The following CDKL5 variants were observed in gnomAD, a reference collection of about 807,000 sequenced individuals.
CDKL5 encodes the protein cyclin dependent kinase like 5, also known as cyclin-dependent kinase-like 5.
Under a neutral mutation model 61.7 loss-of-function variants are expected in CDKL5, and 8 were observed. The observed-to-expected ratio is 0.13, with a 90% CI of 0.08 to 0.23. The LOEUF (loss-of-function observed/expected upper bound fraction) is 0.23, where lower values mean the gene tolerates loss of function less well. CDKL5 is among the 10% of genes least tolerant of loss of function. The probability of loss-of-function intolerance (pLI) is 1.00; values close to 1 mark genes in which losing one functional copy is unlikely to be tolerated. For synonymous variants in CDKL5, 275 were observed against 272.3 expected (o/e 1.01, Z -0.10); for missense variants, 440 against 734.5 (o/e 0.60, Z 4.63).
intron 1 of CDKL5, among the ~76,000 whole-genome samples, chrX:18,478,510 C>G (rs1280384873): frequency 9.3e-6 from 1 of 107,925 alleles, no homozygotes; most frequent in African/African-American, 3.4e-5. Context: ...AGGCTGGTCT[C>G]AAACTCCTGA....
At position 18,633,633 on chromosome X, in the gene CDKL5, C is replaced by T; in HGVS notation, c.*4876C>T. The stretch of plus-strand genomic sequence containing the variant: ...GAAAAAGAAGTCCCTCATCTATCTG[C>T]ATACACGCAATGTGGGAGAAGTGGG... On this transcript the variant is annotated 3_prime_UTR_variant, in exon 18 of 18. Coordinates refer to ENST00000623535, the MANE Select transcript of CDKL5 (RefSeq NM_001323289.2). 1 of 754,090 alleles carries T rather than the reference C, an allele frequency of 1.3e-6. No homozygotes were observed. The highest frequency in any genetic ancestry group is 1.6e-6 in the Non-Finnish European group (1 of 639,080). The allele number at this position is 754,090 out of a possible 1,213,427, so 62.1% of individuals were successfully genotyped here.
chrX:18,439,494 A>G (rs755435523), intron 1 of CDKL5, among the ~76,000 whole-genome samples: 7 of 110,898 alleles, frequency 6.3e-5, no homozygotes, highest in Non-Finnish European at 1.1e-4. Context: ...ACCATAAAGC[A>G]AATATTGCCA....
At chrX:18,567,918 A>G (rs1433672240) in intron 4 of CDKL5, among the ~76,000 whole-genome samples, 1 of 111,674 alleles carries the variant, frequency 9.0e-6, no homozygotes, top group Non-Finnish European at 1.9e-5. Flanking sequence ...AACTTACCAC[A>G]CATCATAGCT....
At chrX:18,616,175 G>T (rs151020182) in intron 15 of CDKL5, among the ~76,000 whole-genome samples, 1,150 of 112,052 alleles carry the variant, frequency 0.01, 4 homozygotes, top group South Asian at 0.018. Context: ...AAGCAGGTTG[G>T]AAAATCATAC....
At position 18,629,553 on chromosome X, in the gene CDKL5, T is replaced by C. The variant is rs1927175706; in HGVS notation, c.*796T>C. 1 of 725,561 alleles carries C rather than the reference T, an allele frequency of 1.4e-6. No individual in the cohort carries two copies. Among genetic ancestry groups the C allele is most frequent in the Admixed American group, 8.9e-5 (1 of 11,243 alleles). The allele number at this position is 725,561 out of a possible 1,213,427, so 59.8% of individuals were successfully genotyped here. On this transcript the variant is annotated 3_prime_UTR_variant, in exon 18 of 18. Coordinates refer to ENST00000623535, the MANE Select transcript of CDKL5 (RefSeq NM_001323289.2). ...GCCATATTTTTATACATTTGTGATA[T>C]GAAGTGAGTATTATACTTCTACTAA... is the stretch of plus-strand genomic sequence containing the variant.
At chrX:18,524,046 T>C (rs1923346865) in intron 3 of CDKL5, among the ~76,000 whole-genome samples, 1 of 112,023 alleles carries the variant, frequency 8.9e-6, no homozygotes, top group Non-Finnish European at 1.9e-5. Context: ...GTTCTACTTA[T>C]CCATTTACAA....
At chrX:18,540,650 T>TTTCTC (rs1846387811) in intron 3 of CDKL5, among the ~76,000 whole-genome samples, 1 of 110,999 alleles carries the variant, frequency 9.0e-6, no homozygotes, top group Non-Finnish European at 1.9e-5. Context: ...TTTCTTTTCT[T>TTTCTC]TTTTCTTTTC....
chrX:18,508,782 A>G, intron 2 of CDKL5, among the ~76,000 whole-genome samples: 1 of 110,107 alleles, frequency 9.1e-6, no homozygotes, highest in Non-Finnish European at 1.9e-5. Context: ...ATTTTTGGCT[A>G]GGATATACAT....
In CDKL5 at chrX:18,603,103, C is replaced by T. The variant is rs1192043285; in HGVS notation, c.978-799C>T. 5.4e-5 allele frequency among the ~76,000 whole-genome samples: 6 copies of T among 111,617 alleles called. No individual in the cohort carries two copies. In the Admixed American group the frequency reaches 5.7e-4, roughly 11 times the overall value. On this transcript the variant is annotated intron_variant, in intron 11 of 17. Coordinates refer to ENST00000623535, the MANE Select transcript of CDKL5 (RefSeq NM_001323289.2). ...AAGCTTTAAGTCCTAAAGGAGGGCT[C>T]AGTCGGTCTAGGATAATGAAATGTT...
In CDKL5 at chrX:18,596,205, T is replaced by A. The variant is rs369083051; in HGVS notation, c.825+777T>A. ...AAATCAGTAGAGGTTACACTGTGCA[T>A]AGAGCCTTTAAAAGGCATACTTAGC... On this transcript the variant is annotated intron_variant, in intron 10 of 17. Coordinates refer to ENST00000623535, the MANE Select transcript of CDKL5 (RefSeq NM_001323289.2). Among the ~76,000 whole-genome samples the A allele has an allele frequency of 1.1e-4, 12 of 111,611 alleles. No individual in the cohort carries two copies. The East Asian group carries it at 3.1e-3, about 29-fold the overall frequency.
At chrX:18,492,116 A>T in intron 1 of CDKL5, among the ~76,000 whole-genome samples, 1 of 111,499 alleles carries the variant, frequency 9.0e-6, no homozygotes, top group East Asian at 2.8e-4. Flanking sequence ...GCAGTGTATG[A>T]GCAAGCTTAA....
At chrX:18,461,903 C>T (rs996709403) in intron 1 of CDKL5, among the ~76,000 whole-genome samples, 1 of 111,065 alleles carries the variant, frequency 9.0e-6, no homozygotes, top group Non-Finnish European at 1.9e-5. Context: ...AAAGTGCTGC[C>T]GGGCTTCCAT....
chrX:18,508,808 A>T (rs1602231439), intron 2 of CDKL5, among the ~76,000 whole-genome samples: 1 of 110,330 alleles, frequency 9.1e-6, no homozygotes, highest in Non-Finnish European at 1.9e-5. Flanking sequence ...GTATATAACA[A>T]TCTGTCACCA....
intron 1 of CDKL5, among the ~76,000 whole-genome samples, chrX:18,458,202 C>T (rs1211937442): frequency 2.7e-5 from 3 of 110,549 alleles, no homozygotes; most frequent in South Asian, 3.8e-4. Flanking sequence ...GGATTACAGG[C>T]GTGAGCCACC....
rs1295143646 is a variant in CDKL5, at chrX:18,604,392, G to A, written c.1468G>A (p.Gly490Arg). 1.7e-6 allele frequency: 2 copies of A among 1,208,527 alleles called. No homozygotes were observed. Among genetic ancestry groups the A allele is most frequent in the Admixed American group, 2.2e-5 (1 of 45,744 alleles). Residue 490 changes from glycine (G) to arginine (R), a missense_variant, in exon 12 of 18, where the codon GGG becomes AGG. Transcript: ENST00000623535. ...CTACAGGACCAAGGCCAAAAGCCATGGGGCACTGAGTGACTCCAAGTCTGT... is the reference window on the plus strand; with the variant it reads ...CTACAGGACCAAGGCCAAAAGCCATAGGGCACTGAGTGACTCCAAGTCTGT... ...PSYRTKAKSH[G>R]ALSDSKSVSN... is the part of the protein sequence containing the mutation.
At chrX:18,626,566 A>AGGGCC (rs1428353145) in intron 17 of CDKL5, among the ~76,000 whole-genome samples, 1 of 109,891 alleles carries the variant, frequency 9.1e-6, no homozygotes, top group East Asian at 2.9e-4. Context: ...CCTCTGAGTG[A>AGGGCC]GGGCCTGCTT....
intron 1 of CDKL5, among the ~76,000 whole-genome samples, chrX:18,437,047 A>C (rs763395711): frequency 9.0e-6 from 1 of 110,838 alleles, no homozygotes; most frequent in Non-Finnish European, 1.9e-5. Flanking sequence ...AACTTGTCCT[A>C]AATCTCCTGG....
At chrX:18,497,272 C>G (rs765623353) in intron 1 of CDKL5, 1 of 111,583 alleles carries the variant, frequency 9.0e-6, no homozygotes, top group East Asian at 2.8e-4. Flanking sequence ...ATCACTGGCT[C>G]GATTCCATTT....
At chrX:18,548,133 G>GTT (rs771622672) in intron 3 of CDKL5, among the ~76,000 whole-genome samples, 2 of 99,909 alleles carry the variant, frequency 2.0e-5, no homozygotes. Flanking sequence ...GAGCTAGAAA[G>GTT]TTTTTTTTTT....
Sources: gnomAD v4.1 joint callset for allele counts (sites outside exome capture counted in the v4.1 genomes callset) on GRCh38, gnomAD v4.1.1 for gene constraint, MANE v1.5 for transcripts, NCBI Gene and HGNC (gene_info 2026-07-23, HGNC 2026-07-21) for gene names.